CLEC17A: variants seen among roughly 807,000 people sequenced by gnomAD.
CLEC17A encodes C-type lectin domain containing 17A.
In CLEC17A, 37 loss-of-function variants were observed where a neutral mutation model predicts 61.3. The observed-to-expected ratio is 0.60, with a 90% CI of 0.46 to 0.79. The LOEUF (loss-of-function observed/expected upper bound fraction) is 0.79. Ranked by LOEUF, CLEC17A falls within the 30% of genes least tolerant of loss-of-function variation. The pLI is 0.00. For synonymous variants in CLEC17A, 168 were observed against 164.9 expected, an observed-to-expected ratio of 1.02 and a Z score of -0.14; for missense variants, 418 against 464.7, an observed-to-expected ratio of 0.90 and a Z score of 0.92.
intron 2 of CLEC17A, among the ~76,000 whole-genome samples, chr19:14,586,222 T>A (rs1242167967): frequency 1.3e-5 from 2 of 151,046 alleles, no homozygotes; most frequent in Non-Finnish European, 2.9e-5. Flanking sequence ...GCCTCCCGGG[T>A]TCAAGTGATT....
chr19:14,605,042 T>C (rs553004642), intron 12 of CLEC17A, among the ~76,000 whole-genome samples: 5 of 150,094 alleles, frequency 3.3e-5, no homozygotes, highest in Admixed American at 2.6e-4. Context: ...AGTCAAAAAG[T>C]CTAAAATGGG....
In CLEC17A at chr19:14,583,422, C is replaced by G; in HGVS notation, c.109C>G (p.Pro37Ala). Residue 37 changes from proline to alanine, a missense_variant, in exon 2 of 14, where the codon CCT (proline) becomes GCT (alanine). Physicochemically the swap from Pro to Ala is conservative, Grantham distance 27. Transcript: ENST00000417570. ...CTCAACACCTCCCTACAAGGACCTT[C>G]CTCCCAAGCCAGGTAAGAGGACTTT... ...ENSTPPYKDL[P>A]PKPGTMEEEE... 6.2e-7 allele frequency: 1 copy of G among 1,612,508 alleles called. No individual in the cohort carries two copies. The highest frequency in any genetic ancestry group is 8.5e-7 in the Non-Finnish European group (1 of 1,179,218).
Position 14,592,288 on chromosome 19 carries a change from G to A in CLEC17A, c.207G>A (p.Met69Ile). The change falls in exon 4 of 14, where the codon ATG becomes ATA. Residue 69 changes from methionine to isoleucine, a missense_variant. Coordinates refer to ENST00000417570, the MANE Select transcript of CLEC17A (RefSeq NM_001204118.2). ...TTGCCTTTCCCCTGGAAGGGACCAT[G>A]GAGGAGGAGGAGGAGGATGATGACT... is the stretch of plus-strand genomic sequence containing the variant. ...YKDLPPKPGT[M>I]EEEEEDDDYE... 6.3e-7 allele frequency: 1 copy of A among 1,582,566 alleles called. No homozygotes were observed. Among genetic ancestry groups the A allele is most frequent in the Admixed American group, 1.8e-5 (1 of 55,482 alleles).
At chr19:14,605,304 C>T (rs564465820) in intron 12 of CLEC17A, among the ~76,000 whole-genome samples, 9 of 152,120 alleles carry the variant, frequency 5.9e-5, no homozygotes, top group Non-Finnish European at 1.2e-4. Context: ...CCACGTTGGC[C>T]AAGCTGGTCT....
At chr19:14,606,898 C>T in intron 12 of CLEC17A, 95 bp from the exon 13 acceptor site, 1 of 508,966 alleles carries the variant, frequency 2.0e-6, no homozygotes, top group Non-Finnish European at 3.0e-6. Flanking sequence ...GGTGACGTTC[C>T]CAAGCCCTAA....
chr19:14,610,476 C>T lies in CLEC17A; in HGVS notation c.*280C>T. The T allele has an allele frequency of 2.3e-6, 1 of 427,496 alleles. No homozygotes were observed. Among genetic ancestry groups the T allele is most frequent in the Non-Finnish European group, 4.3e-6 (1 of 230,466 alleles). 26.5% of individuals were successfully genotyped at this position (427,496 alleles called of 1,614,324 possible). On this transcript the variant is annotated 3_prime_UTR_variant, in exon 14 of 14. Coordinates refer to ENST00000417570, the MANE Select transcript of CLEC17A (RefSeq NM_001204118.2). ...GGGTTGAAAGGATCTTCACTAAGTTCCTGATCATGACTCTTGGGAAGTGAT... is the reference window on the plus strand; with the variant it reads ...GGGTTGAAAGGATCTTCACTAAGTTTCTGATCATGACTCTTGGGAAGTGAT...
intron 3 of CLEC17A, among the ~76,000 whole-genome samples, chr19:14,591,975 C>T (rs1205741543): frequency 6.6e-6 from 1 of 150,798 alleles, no homozygotes; most frequent in Non-Finnish European, 1.5e-5. Flanking sequence ...GATGGATTTG[C>T]CTGTACTTGA....
intron 2 of CLEC17A, 109 bp downstream of exon 2, chr19:14,583,543 C>A: frequency 6.5e-7 from 1 of 1,548,204 alleles, no homozygotes; most frequent in Non-Finnish European, 8.7e-7. Context: ...GTATCCAGCC[C>A]ATGCCGGGCA....
intron 3 of CLEC17A, among the ~76,000 whole-genome samples, chr19:14,591,041 A>T (rs192168312): frequency 6.6e-6 from 1 of 151,738 alleles, no homozygotes; most frequent in Admixed American, 6.6e-5. Context: ...TCTGGTCTAG[A>T]TTGCAGGAAG....
intron 13 of CLEC17A, among the ~76,000 whole-genome samples, chr19:14,609,197 T>C (rs1164246403): frequency 6.6e-6 from 1 of 152,134 alleles, no homozygotes; most frequent in Non-Finnish European, 1.5e-5. Context: ...CCAACTCCAC[T>C]GGGGTCAGCT....
chr19:14,594,551 T>C lies in CLEC17A; in HGVS notation c.310+2T>C, dbSNP rs199917925. ...CTCCACCAAGACCTCCAAGGGCAGG[T>C]GAGTTGGGGCTGGGGGTGTAGGAGA... is the stretch of plus-strand genomic sequence containing the variant. On this transcript the variant is annotated splice_donor_variant, in intron 5 of 13. Transcript: ENST00000417570. LOFTEE classifies it high-confidence loss of function. The C allele has an allele frequency of 6.1e-4, 980 of 1,609,044 alleles. 11 individuals carry two copies. In the Admixed American group the frequency reaches 0.014, roughly 24 times the overall value.
chr19:14,581,462 T>G (rs2074181265), upstream of CLEC17A, among the ~76,000 whole-genome samples: 1 of 151,880 alleles, frequency 6.6e-6, no homozygotes. Flanking sequence ...TAGCTGGCAT[T>G]ACAGGTGCCC....
chr19:14,610,095 C>G lies in CLEC17A; in HGVS notation c.1036C>G (p.His346Asp). 4 of 1,613,276 alleles carry G rather than the reference C, an allele frequency of 2.5e-6. No homozygotes were observed. The highest frequency in any genetic ancestry group is 1.7e-6 in the Non-Finnish European group (2 of 1,179,622). Residue 346 changes from histidine (H) to aspartate (D), a missense_variant, in exon 14 of 14, where the codon CAC becomes GAC. Physicochemically the swap from His to Asp is moderately conservative, Grantham distance 81. Transcript: ENST00000417570. ...GGAGCCAGAGGAACCCAATAACATC[C>G]ACGATGAGGACTGTGCTACCATGAA... ...FWEPEEPNNIHDEDCATMNKG... is the reference protein window; with the variant it reads ...FWEPEEPNNIDDEDCATMNKG...
intron 3 of CLEC17A, among the ~76,000 whole-genome samples, chr19:14,591,032 C>G (rs1685504066): frequency 6.6e-6 from 1 of 152,126 alleles, no homozygotes; most frequent in East Asian, 1.9e-4. Flanking sequence ...TATTGTCTCT[C>G]TGGTCTAGAT....
At position 14,611,865 on chromosome 19, in the gene CLEC17A, G is replaced by T. The variant is rs180762939; in HGVS notation, c.*1669G>T. On this transcript the variant is annotated 3_prime_UTR_variant, in exon 14 of 14. Transcript: ENST00000417570. ...AAAAATACAAAAAAATTAGCTGGGC[G>T]TGGTGGCATGTGCCTGTAATCCCAG... is the stretch of plus-strand genomic sequence containing the variant. Among the ~76,000 whole-genome samples, 2 of 152,024 alleles carry T rather than the reference G, an allele frequency of 1.3e-5. No homozygotes were observed. The highest frequency in any genetic ancestry group is 2.9e-5 in the Non-Finnish European group (2 of 68,012).
At chr19:14,581,257 T>A (rs1229531965), upstream of CLEC17A, among the ~76,000 whole-genome samples, 1 of 152,172 alleles carries the variant, frequency 6.6e-6, no homozygotes, top group Non-Finnish European at 1.5e-5. Flanking sequence ...ACATATTAGT[T>A]TCCTATAGTG....
Position 14,602,902 on chromosome 19 carries a change from A to G in CLEC17A, c.894+2720A>G, listed in dbSNP as rs547397512. The stretch of plus-strand genomic sequence containing the variant: ...AGGCGCCCACCACCATGCCTGGCTA[A>G]TTTTGTACTTTTGGTAGAGATGGGG... On this transcript the variant is annotated intron_variant, in intron 12 of 13. Transcript: ENST00000417570. Among the ~76,000 whole-genome samples the G allele has an allele frequency of 2.0e-5, 3 of 151,950 alleles. No individual in the cohort carries two copies. The East Asian group carries it at 5.9e-4, about 30-fold the overall frequency.
chr19:14,605,730 A>G (rs540394288), intron 12 of CLEC17A, among the ~76,000 whole-genome samples: 1 of 151,950 alleles, frequency 6.6e-6, no homozygotes, highest in East Asian at 1.9e-4. Context: ...CTTTTCTTCC[A>G]AAGACCTGGG....
intron 4 of CLEC17A, 126 bp downstream of exon 4, chr19:14,592,484 A>G: frequency 6.6e-7 from 1 of 1,520,566 alleles, no homozygotes; most frequent in Non-Finnish European, 8.9e-7. Context: ...GGCACTGTGC[A>G]ACACACACCC....
Sources: gnomAD v4.1 joint callset for allele counts (sites outside exome capture counted in the v4.1 genomes callset) on GRCh38, gnomAD v4.1.1 for gene constraint, MANE v1.5 for transcripts, NCBI Gene and HGNC (gene_info 2026-07-23, HGNC 2026-07-21) for gene names.